The following TRIM14 variants were observed in gnomAD, a reference collection of about 807,000 sequenced individuals.
TRIM14 encodes tripartite motif containing 14.
A neutral mutation model predicts 44.5 loss-of-function variants in TRIM14; 28 were observed. The observed-to-expected ratio is 0.63, with a 90% CI of 0.47 to 0.86. TRIM14 has a LOEUF of 0.86. Among genes scored for constraint, TRIM14 ranks in the 40% least tolerant of loss-of-function variants. The pLI is 0.00. For synonymous variants in TRIM14, 299 were observed against 269.2 expected, an observed-to-expected ratio of 1.11 and a Z score of -1.08; for missense variants, 607 against 611.1, an observed-to-expected ratio of 0.99 and a Z score of 0.07.
At chr9:98,083,751 A>G (rs924399500), downstream of TRIM14, among the ~76,000 whole-genome samples, 1 of 152,228 alleles carries the variant, frequency 6.6e-6, no homozygotes, top group Non-Finnish European at 1.5e-5. Context: ...ATAGTGATTC[A>G]GTCACACAAT....
At chr9:98,102,056 C>T (rs1289301464) in intron 2 of TRIM14, among the ~76,000 whole-genome samples, 1 of 151,042 alleles carries the variant, frequency 6.6e-6, no homozygotes, top group Non-Finnish European at 1.5e-5. Flanking sequence ...AAATGGGCGT[C>T]ACTAGCAGAA....
chr9:98,048,674 CTAAATGCTT>C, the TRIM14 span, among the ~76,000 whole-genome samples: 2 of 152,116 alleles, frequency 1.3e-5, no homozygotes, highest in African/African-American at 4.8e-5. Context: ...ATTAGGTTTG[CTAAATGCTT>C]TAAGGTTATA....
chr9:98,065,820 A>T (rs368235458), downstream of TRIM14, among the ~76,000 whole-genome samples: 3 of 152,188 alleles, frequency 2.0e-5, no homozygotes, highest in South Asian at 2.1e-4. Flanking sequence ...AATGAGTCTC[A>T]TGAGATCTGA....
intron 2 of TRIM14, among the ~76,000 whole-genome samples, chr9:98,104,368 G>C (rs960444777): frequency 1.3e-5 from 2 of 152,122 alleles, no homozygotes; most frequent in Admixed American, 1.3e-4. Context: ...AGTTTTTATA[G>C]ATCCACTTTG....
At chr9:98,065,512 TATTTTTA>T (rs1829119808), downstream of TRIM14, among the ~76,000 whole-genome samples, 1 of 131,554 alleles carries the variant, frequency 7.6e-6, no homozygotes, top group East Asian at 2.2e-4. Context: ...TTTTTTTTTG[TATTTTTA>T]GTAGAGACGG....
chr9:98,087,725 G>A lies in TRIM14; in HGVS notation c.1074C>T (p.Asn358=), dbSNP rs746819326. 1.3e-6 allele frequency: 2 copies of A among 1,590,186 alleles called. No homozygotes were observed. Among genetic ancestry groups the A allele is most frequent in the Admixed American group, 3.4e-5 (2 of 58,962 alleles). ...GASAAARLGC[N]RQSWCLKRYD... ...AGCGCTTGAGGCACCAGGACTGGCGGTTGCAGCCCAGGCGGGCGGCGGCCG... is the reference window on the plus strand; with the variant it reads ...AGCGCTTGAGGCACCAGGACTGGCGATTGCAGCCCAGGCGGGCGGCGGCCG... Residue 358 remains asparagine, a synonymous_variant, in exon 6 of 6, where the codon AAC becomes AAT. Coordinates refer to ENST00000341469, the MANE Select transcript of TRIM14 (RefSeq NM_014788.4).
chr9:98,056,316 G>A, the TRIM14 span, among the ~76,000 whole-genome samples: 1 of 151,912 alleles, frequency 6.6e-6, no homozygotes, highest in Non-Finnish European at 1.5e-5. Context: ...TATATGAGCA[G>A]GAGCTGGTGA....
At chr9:98,060,750 G>C in the TRIM14 span, 1 of 1,604,296 alleles carries the variant, frequency 6.2e-7, no homozygotes, top group Non-Finnish European at 8.5e-7. Flanking sequence ...ATCTACGACA[G>C]TCACTGAAAG....
At chr9:98,117,929 T>C (rs1224210248) in intron 1 of TRIM14, among the ~76,000 whole-genome samples, 2 of 152,094 alleles carry the variant, frequency 1.3e-5, no homozygotes, top group Non-Finnish European at 2.9e-5. Context: ...TTACAGCCAT[T>C]TCATACGTTA....
the TRIM14 span, among the ~76,000 whole-genome samples, chr9:98,048,836 C>T: frequency 6.6e-6 from 1 of 152,070 alleles, no homozygotes; most frequent in Non-Finnish European, 1.5e-5. Flanking sequence ...AGTCTGGCCA[C>T]ATGGTGAAAC....
Position 98,106,794 on chromosome 9 carries a change from A to T in TRIM14, c.303+3095T>A, listed in dbSNP as rs529480559. Among the ~76,000 whole-genome samples, 72 of 151,164 alleles carry T rather than the reference A, an allele frequency of 4.8e-4. 1 individual carries two copies. Among genetic ancestry groups the T allele is most frequent in the African/African-American group, 1.7e-3 (72 of 41,244 alleles). The stretch of plus-strand genomic sequence containing the variant: ...CAGGTTTAACACAATTCCTATCAAA[A>T]TCCCAACAAACTCTTTTTCTTTTCT... On this transcript the variant is annotated intron_variant, in intron 2 of 5. Coordinates refer to ENST00000341469, the MANE Select transcript of TRIM14 (RefSeq NM_014788.4).
At position 98,119,126 on chromosome 9, in the gene TRIM14, G is replaced by A; in HGVS notation, c.63C>T (p.Gly21=). Residue 21 remains glycine, a synonymous_variant, in exon 1 of 6, where the codon GGC becomes GGT. Transcript: ENST00000341469. ...GGTCGCCATGCTCCGGGCAGCGCCAGCCGCATCCCTCGACAAGCTCCGACC... is the reference window on the plus strand; with the variant it reads ...GGTCGCCATGCTCCGGGCAGCGCCAACCGCATCCCTCGACAAGCTCCGACC... ...PGRSELVEGC[G]WRCPEHGDRV... is the part of the protein sequence containing the mutation. 1 of 1,587,218 alleles carries A rather than the reference G, an allele frequency of 6.3e-7. No individual in the cohort carries two copies. Among genetic ancestry groups the A allele is most frequent in the Non-Finnish European group, 8.5e-7 (1 of 1,176,074 alleles).
In TRIM14 at chr9:98,071,590, AGGACATCTGGGTACTTGCAGGCTG is replaced by A. The variant is rs569861154; in HGVS notation, c.*29-1927_*29-1904del. ...AGGAAAGCAACCTGGGCTAAGGGCTAGGACATCTGGGTACTTGCAGGCTGGGACATCTGGGTACTTGTCCTGGCT... is the reference window on the plus strand; with the variant it reads ...AGGAAAGCAACCTGGGCTAAGGGCTAGGACATCTGGGTACTTGTCCTGGCT... On this transcript the variant is annotated intron_variant, in intron 6 of 6. Coordinates refer to the TRIM14 transcript ENST00000375098. Among the ~76,000 whole-genome samples the A allele has an allele frequency of 1.2e-4, 18 of 152,352 alleles. No homozygotes were observed. In the East Asian group the frequency reaches 1.3e-3, roughly 11 times the overall value.
chr9:98,038,549 C>G, the TRIM14 span, among the ~76,000 whole-genome samples: 1 of 152,170 alleles, frequency 6.6e-6, no homozygotes, highest in East Asian at 1.9e-4. Flanking sequence ...TATTTAGTCA[C>G]AAATGAGCCT....
intron 2 of TRIM14, among the ~76,000 whole-genome samples, chr9:98,107,938 G>A (rs1400862651): frequency 6.6e-6 from 1 of 152,130 alleles, no homozygotes; most frequent in East Asian, 1.9e-4. Flanking sequence ...AAAGTGCTGG[G>A]ATTACAGGCA....
intron 6 of TRIM14, chr9:98,078,473 C>T: frequency 8.1e-7 from 1 of 1,233,352 alleles, no homozygotes; most frequent in South Asian, 1.5e-5. Flanking sequence ...GACAGTCTTG[C>T]TGTTACCAAA....
At chr9:98,090,784 G>A (rs148244508) in intron 5 of TRIM14, among the ~76,000 whole-genome samples, 2 of 152,212 alleles carry the variant, frequency 1.3e-5, no homozygotes, top group East Asian at 1.9e-4. Flanking sequence ...GGCTGGTCTC[G>A]AACTGCTGAC....
chr9:98,037,692 T>C, the TRIM14 span, among the ~76,000 whole-genome samples: 9 of 152,124 alleles, frequency 5.9e-5, no homozygotes, highest in Admixed American at 1.3e-4. Flanking sequence ...AGAAGTTTTC[T>C]AGGAGCCAAC....
chr9:98,096,297 G>A (rs1388843900), intron 3 of TRIM14, among the ~76,000 whole-genome samples: 1 of 152,176 alleles, frequency 6.6e-6, no homozygotes, highest in Non-Finnish European at 1.5e-5. Flanking sequence ...ATTTTGGTGG[G>A]GAACCAGGCC....
Sources: allele counts gnomAD v4.1 joint callset (sites outside exome capture counted in the v4.1 genomes callset), GRCh38; gene constraint gnomAD v4.1.1; transcripts MANE v1.5; gene names NCBI Gene and HGNC (gene_info 2026-07-23, HGNC 2026-07-21).